KAT7: variants seen among roughly 807,000 people sequenced by gnomAD.
The protein encoded by KAT7 is lysine acetyltransferase 7.
KAT7 carries 10 observed loss-of-function variants against 82.1 expected under a neutral mutation model. The observed-to-expected ratio is 0.12, with a 90% CI of 0.08 to 0.21. KAT7 has a LOEUF of 0.21. KAT7 is among the 10% of genes least tolerant of loss of function. The pLI, the probability that KAT7 is intolerant of heterozygous loss-of-function variation, is 1.00. For synonymous variants in KAT7, 250 were observed against 262.5 expected (o/e 0.95, Z 0.46); for missense variants, 378 against 760.9 (o/e 0.50, Z 5.92).
At chr17:49,811,608 C>A (rs750524210) in intron 7 of KAT7, 34 bp downstream of exon 7, 7 of 1,066,600 alleles carry the variant, frequency 6.6e-6, no homozygotes, top group Admixed American at 5.4e-5. Context: ...TGAGCATGAA[C>A]TCCTGCTATC....
intron 1 of KAT7, chr17:49,789,554 G>T (rs2073857267): frequency 6.6e-6 from 1 of 152,234 alleles, no homozygotes; most frequent in Non-Finnish European, 1.5e-5. Flanking sequence ...ACCCAGGAAT[G>T]GCCCCGTCGT....
chr17:49,797,063 TGTC>T, intron 3 of KAT7, 137 bp downstream of exon 3: 1 of 683,746 alleles, frequency 1.5e-6, no homozygotes, highest in Admixed American at 2.8e-5. Flanking sequence ...TCCTTTCTTA[TGTC>T]TTTTTTTTTT....
rs985238687 is a variant in KAT7 at position 49,829,252 on chromosome 17, T to G, written c.*1750T>G. 1.3e-5 allele frequency: 2 copies of G among 152,224 alleles called. No homozygotes were observed. Among genetic ancestry groups the G allele is most frequent in the African/African-American group, 4.8e-5 (2 of 41,456 alleles). 9.4% of individuals were successfully genotyped at this position (152,224 alleles called of 1,614,324 possible). A position where few individuals can be genotyped will look rare whatever the true frequency, so the allele number is the denominator to read the frequency against. ...ATGTTTTTCCCTGTGATACAGGCTG[T>G]CTGTAAAGATCAAGGGAGTGCTCAC... On this transcript the variant is annotated 3_prime_UTR_variant, in exon 15 of 15. Transcript: ENST00000259021.
At chr17:49,812,232 A>ATT (rs1405804773) in intron 7 of KAT7, among the ~76,000 whole-genome samples, 2 of 133,002 alleles carry the variant, frequency 1.5e-5, no homozygotes, top group African/African-American at 2.7e-5. Flanking sequence ...TCGCTTAAAA[A>ATT]TCTTTTTTTT....
chr17:49,815,943 C>A (rs117174322), intron 8 of KAT7, 30 bp downstream of exon 8: 376 of 1,375,144 alleles, frequency 2.7e-4, no homozygotes, highest in Admixed American at 3.7e-4. Flanking sequence ...AACTGAAGGC[C>A]GCTTGTGAAA....
chr17:49,793,803 C>T (rs977883315), intron 2 of KAT7, among the ~76,000 whole-genome samples: 2 of 151,960 alleles, frequency 1.3e-5, no homozygotes, highest in African/African-American at 2.4e-5. Context: ...AATCTCTTGA[C>T]CTCATGGTCT....
Position 49,827,606 on chromosome 17 carries a change from T to C in KAT7, c.*104T>C. On this transcript the variant is annotated 3_prime_UTR_variant, in exon 15 of 15. Coordinates refer to ENST00000259021, the MANE Select transcript of KAT7 (RefSeq NM_007067.5). Reference sequence around the variant, plus strand: ...GCTCTTGTGATTGGCAAGTACAGTATCCTTTGGGAAGGCCATCCCCCTCAG... The same window carrying C: ...GCTCTTGTGATTGGCAAGTACAGTACCCTTTGGGAAGGCCATCCCCCTCAG... 1.3e-6 allele frequency: 1 copy of C among 742,090 alleles called. No individual in the cohort carries two copies. The highest frequency in any genetic ancestry group is 2.6e-5 in the East Asian group (1 of 37,804). The allele number at this position is 742,090 out of a possible 1,614,324, so 46.0% of individuals were successfully genotyped here.
chr17:49,822,523 G>A (rs529400113), intron 11 of KAT7, among the ~76,000 whole-genome samples: 3 of 152,180 alleles, frequency 2.0e-5, no homozygotes, highest in East Asian at 1.9e-4. Flanking sequence ...GAGCCATTGC[G>A]CCCGGCCTAA....
intron 9 of KAT7, among the ~76,000 whole-genome samples, chr17:49,819,050 T>A (rs1214322914): frequency 6.6e-6 from 1 of 152,204 alleles, no homozygotes; most frequent in Non-Finnish European, 1.5e-5. Flanking sequence ...GTTCTCATAA[T>A]CACAATATAA....
intron 6 of KAT7, among the ~76,000 whole-genome samples, chr17:49,810,166 A>T (rs1356543038): frequency 2.0e-5 from 3 of 152,206 alleles, no homozygotes; most frequent in Non-Finnish European, 4.4e-5. Flanking sequence ...TATGTATGTA[A>T]AGTACCTATA....
chr17:49,799,377 T>TTTTGTTTG, intron 4 of KAT7, among the ~76,000 whole-genome samples: 1 of 152,026 alleles, frequency 6.6e-6, no homozygotes, highest in East Asian at 1.9e-4. Context: ...CTGTAGTGTG[T>TTTTGTTTG]TTTGTTTGTT....
chr17:49,805,449 A>G lies in KAT7; in HGVS notation c.663+4A>G. On this transcript the variant is annotated splice_donor_region_variant and intron_variant, in intron 5 of 14. Transcript: ENST00000259021. ...CCTCTCAGCTGACGAATGCAAGGTAATTGTGCTCTCATTTATTCAACACAT... is the reference window on the plus strand; with the variant it reads ...CCTCTCAGCTGACGAATGCAAGGTAGTTGTGCTCTCATTTATTCAACACAT... 1 of 1,601,554 alleles carries G rather than the reference A, an allele frequency of 6.2e-7. No individual in the cohort carries two copies. Among genetic ancestry groups the G allele is most frequent in the South Asian group, 1.1e-5 (1 of 90,736 alleles).
At chr17:49,818,952 TG>T (rs2074268486) in intron 9 of KAT7, among the ~76,000 whole-genome samples, 1 of 152,154 alleles carries the variant, frequency 6.6e-6, no homozygotes, top group Non-Finnish European at 1.5e-5. Flanking sequence ...TTGACCAGGA[TG>T]GTCTTGATCT....
intron 2 of KAT7, among the ~76,000 whole-genome samples, chr17:49,795,869 A>G (rs2073949352): frequency 6.6e-6 from 1 of 152,092 alleles, no homozygotes; most frequent in South Asian, 2.1e-4. Flanking sequence ...TTTATTTTAC[A>G]TTTGGCTAAT....
intron 7 of KAT7, among the ~76,000 whole-genome samples, chr17:49,812,721 G>T (rs1475670314): frequency 6.6e-6 from 1 of 151,658 alleles, no homozygotes; most frequent in Non-Finnish European, 1.5e-5. Context: ...ACAGAGTCTT[G>T]CTCTGTCACC....
chr17:49,822,350 C>T (rs1472951354), intron 11 of KAT7, among the ~76,000 whole-genome samples: 1 of 151,968 alleles, frequency 6.6e-6, no homozygotes, highest in Non-Finnish European at 1.5e-5. Flanking sequence ...GCCTCAGCCT[C>T]CTGAGTAGCT....
At chr17:49,823,323 C>A in intron 12 of KAT7, 28 bp downstream of exon 12, 2 of 1,190,276 alleles carry the variant, frequency 1.7e-6, no homozygotes, top group South Asian at 1.2e-5. Context: ...GTCATTAGTT[C>A]CACAAGGCAG....
In KAT7 at chr17:49,829,443, G is replaced by A. The variant is rs2074404565; in HGVS notation, c.*1941G>A. ...CCAATAGGAAATTAGGATATATGGG[G>A]GTACAGTTGATGCCTGTAGGAGATG... On this transcript the variant is annotated 3_prime_UTR_variant, in exon 15 of 15. Coordinates refer to ENST00000259021, the MANE Select transcript of KAT7 (RefSeq NM_007067.5). 6.6e-6 allele frequency: 1 copy of A among 152,166 alleles called. No individual in the cohort carries two copies. Among genetic ancestry groups the A allele is most frequent in the Admixed American group, 6.5e-5 (1 of 15,278 alleles). 9.4% of individuals were successfully genotyped at this position (152,166 alleles called of 1,614,324 possible). A position where few individuals can be genotyped will look rare whatever the true frequency, so the allele number is the denominator to read the frequency against.
At chr17:49,821,491 T>C (rs1043980166) in intron 10 of KAT7, 65 bp downstream of exon 10, 3 of 1,521,166 alleles carry the variant, frequency 2.0e-6, no homozygotes, top group Non-Finnish European at 2.7e-6. Flanking sequence ...AGAAGGCATA[T>C]GTTTTTTCTC....
Sources: allele counts gnomAD v4.1 joint callset (sites outside exome capture counted in the v4.1 genomes callset), GRCh38; gene constraint gnomAD v4.1.1; transcripts MANE v1.5; gene names NCBI Gene and HGNC (gene_info 2026-07-23, HGNC 2026-07-21).